The following ADAMTS6 variants were observed in gnomAD, a reference collection of about 807,000 sequenced individuals.
The protein encoded by ADAMTS6 is A disintegrin and metalloproteinase with thrombospondin motifs 6.
In ADAMTS6, 23 loss-of-function variants were observed where a neutral mutation model predicts 144.3. The observed-to-expected ratio is 0.16, with a 90% confidence interval of 0.11 to 0.23. The LOEUF is 0.23. Among genes scored for constraint, ADAMTS6 ranks in the 10% least tolerant of loss-of-function variants. The pLI, the probability that ADAMTS6 is intolerant of heterozygous loss-of-function variation, is 1.00. For missense variants in ADAMTS6, 999 were observed against 1,379.6 expected (o/e 0.72, Z 4.37); for synonymous variants, 444 against 457.5 (o/e 0.97, Z 0.38).
At chr5:65,196,447 C>T (rs1450430915) in intron 21 of ADAMTS6, among the ~76,000 whole-genome samples, 2 of 137,992 alleles carry the variant, frequency 1.4e-5, no homozygotes, top group Non-Finnish European at 3.0e-5. Context: ...GGCATGAACC[C>T]TGGAGGCAGA....
intron 7 of ADAMTS6, among the ~76,000 whole-genome samples, chr5:65,348,956 CG>C (rs146180105): frequency 0.052 from 7,871 of 151,966 alleles, 260 homozygotes; most frequent in East Asian, 0.11. Context: ...AATATGAAGA[CG>C]GTTTATACAC....
At chr5:65,373,654 T>A (rs1746034975) in intron 7 of ADAMTS6, among the ~76,000 whole-genome samples, 1 of 152,114 alleles carries the variant, frequency 6.6e-6, no homozygotes, top group African/African-American at 2.4e-5. Context: ...ACCAGATGGA[T>A]TCACAGCCGA....
chr5:65,210,450 CA>C (rs59171341), intron 20 of ADAMTS6: 20,746 of 104,600 alleles, frequency 0.2, 851 homozygotes, highest in African/African-American at 0.27. Context: ...AACTCCGTCT[CA>C]AAAAAAAAAA....
chr5:65,369,573 T>C (rs945251412), intron 7 of ADAMTS6, among the ~76,000 whole-genome samples: 5 of 149,388 alleles, frequency 3.3e-5, no homozygotes, highest in African/African-American at 1.2e-4. Context: ...ATACAGCAAA[T>C]GTGAACTATA....
chr5:65,469,300 T>C (rs879901954), intron 3 of ADAMTS6, among the ~76,000 whole-genome samples: 1 of 152,170 alleles, frequency 6.6e-6, no homozygotes, highest in Non-Finnish European at 1.5e-5. Context: ...TATCTTCATA[T>C]CTACAATCAC....
At chr5:65,314,360 C>T (rs1430598633) in intron 9 of ADAMTS6, among the ~76,000 whole-genome samples, 1 of 151,744 alleles carries the variant, frequency 6.6e-6, no homozygotes, top group African/African-American at 2.4e-5. Context: ...ACATCCACAC[C>T]CACACCCCAG....
intron 22 of ADAMTS6, 129 bp downstream of exon 22, chr5:65,187,887 A>T: frequency 1.1e-6 from 1 of 887,848 alleles, no homozygotes; most frequent in Non-Finnish European, 1.7e-6. Context: ...ATAAAATATA[A>T]CATGGTCACT....
intron 20 of ADAMTS6, among the ~76,000 whole-genome samples, chr5:65,209,467 A>G (rs548560724): frequency 4.6e-5 from 7 of 152,230 alleles, no homozygotes; most frequent in African/African-American, 1.2e-4. Flanking sequence ...TAGCATCTCA[A>G]TGTTCCTTAT....
At chr5:65,237,104 T>C (rs1023393390) in intron 15 of ADAMTS6, among the ~76,000 whole-genome samples, 5 of 151,622 alleles carry the variant, frequency 3.3e-5, no homozygotes, top group African/African-American at 9.7e-5. Flanking sequence ...AATAAAAAAC[T>C]GAAATAAGGC....
At chr5:65,224,241 C>A in intron 18 of ADAMTS6, 79 bp downstream of exon 18, 2 of 1,160,998 alleles carry the variant, frequency 1.7e-6, no homozygotes, top group South Asian at 2.5e-5. Context: ...AAGAAGCATG[C>A]CTTTTCCTTC....
At chr5:65,281,036 G>C (rs1284226051) in intron 11 of ADAMTS6, among the ~76,000 whole-genome samples, 2 of 152,080 alleles carry the variant, frequency 1.3e-5, no homozygotes, top group Non-Finnish European at 2.9e-5. Flanking sequence ...ATAAAAGAAA[G>C]GAACTAATTT....
At chr5:65,296,765 T>C (rs1742881240) in intron 10 of ADAMTS6, among the ~76,000 whole-genome samples, 1 of 152,180 alleles carries the variant, frequency 6.6e-6, no homozygotes, top group Non-Finnish European at 1.5e-5. Flanking sequence ...CTTCCATTCT[T>C]TCTGTGAAAA....
At chr5:65,470,656 A>G (rs1760358699) in intron 3 of ADAMTS6, 122 bp downstream of exon 3, 2 of 760,012 alleles carry the variant, frequency 2.6e-6, no homozygotes, top group Non-Finnish European at 3.6e-6. Context: ...ATTTTAAACT[A>G]TTACCTTCCT....
chr5:65,360,261 T>C (rs898986567), intron 7 of ADAMTS6, among the ~76,000 whole-genome samples: 17 of 152,160 alleles, frequency 1.1e-4, no homozygotes, highest in African/African-American at 4.1e-4. Context: ...CTACACACTT[T>C]TAAACAACTA....
At chr5:65,345,114 G>A (rs1331338345) in intron 7 of ADAMTS6, among the ~76,000 whole-genome samples, 3 of 151,730 alleles carry the variant, frequency 2.0e-5, no homozygotes, top group Admixed American at 1.3e-4. Context: ...AATTCCTGGA[G>A]CATAGTAAGT....
At chr5:65,434,464 T>C (rs1319487306) in intron 7 of ADAMTS6, among the ~76,000 whole-genome samples, 1 of 152,218 alleles carries the variant, frequency 6.6e-6, no homozygotes, top group Non-Finnish European at 1.5e-5. Flanking sequence ...TTGTATGGTG[T>C]ATAAAGCTGT....
At chr5:65,340,396 C>CA (rs1747709778) in intron 7 of ADAMTS6, among the ~76,000 whole-genome samples, 2 of 151,802 alleles carry the variant, frequency 1.3e-5, no homozygotes, top group Non-Finnish European at 2.9e-5. Flanking sequence ...ATCTGGAAAT[C>CA]AAAAAATAAT....
chr5:65,366,302 T>C lies in ADAMTS6; in HGVS notation c.1074-32217A>G, dbSNP rs750244014. Among the ~76,000 whole-genome samples the C allele has an allele frequency of 6.6e-5, 10 of 152,364 alleles. No individual in the cohort carries two copies. The South Asian group carries it at 1.0e-3, about 16-fold the overall frequency. On this transcript the variant is annotated intron_variant, in intron 7 of 24. Transcript: ENST00000381055. ...ACTAATGGTAATGGTAAAAAAATGTTGGCAGGTCTTATAAAAGTACTATCT... is the reference window on the plus strand; with the variant it reads ...ACTAATGGTAATGGTAAAAAAATGTCGGCAGGTCTTATAAAAGTACTATCT...
intron 9 of ADAMTS6, among the ~76,000 whole-genome samples, chr5:65,311,894 C>T (rs1002149198): frequency 2.6e-5 from 4 of 151,988 alleles, no homozygotes; most frequent in East Asian, 1.9e-4. Context: ...TAAAATGCCT[C>T]GTTAAATTTT....
Sources: gnomAD v4.1 joint callset for allele counts (sites outside exome capture counted in the v4.1 genomes callset) on GRCh38, gnomAD v4.1.1 for gene constraint, MANE v1.5 for transcripts, NCBI Gene and HGNC (gene_info 2026-07-23, HGNC 2026-07-21) for gene names.